IGF2BP1: variants seen among roughly 807,000 people sequenced by gnomAD.
IGF2BP1 encodes the protein insulin-like growth factor 2 mRNA-binding protein 1.
Under a neutral mutation model 74.9 loss-of-function variants are expected in IGF2BP1, and 11 were observed. The observed-to-expected ratio is 0.15, with a 90% CI of 0.09 to 0.24. IGF2BP1 has a LOEUF of 0.24. Among genes scored for constraint, IGF2BP1 ranks in the 10% least tolerant of loss-of-function variants. The pLI is 1.00. For synonymous variants in IGF2BP1, 287 were observed against 281.8 expected (o/e 1.02, Z -0.18); for missense variants, 440 against 757.4 (o/e 0.58, Z 4.92).
intron 2 of IGF2BP1, among the ~76,000 whole-genome samples, chr17:49,023,681 A>AGG (rs1462645342): frequency 6.6e-6 from 1 of 152,218 alleles, no homozygotes; most frequent in African/African-American, 2.4e-5. Context: ...GGGCAGGTTA[A>AGG]GGGCTAGACT....
intron 12 of IGF2BP1, among the ~76,000 whole-genome samples, 155 bp downstream of exon 12, chr17:49,045,220 A>G (rs570685126): frequency 2.0e-5 from 3 of 152,164 alleles, no homozygotes; most frequent in South Asian, 2.1e-4. Context: ...CTGCAGAGCT[A>G]TTTTCAAATT....
chr17:49,033,334 C>T (rs186588591), intron 5 of IGF2BP1, among the ~76,000 whole-genome samples: 127 of 149,690 alleles, frequency 8.5e-4, no homozygotes, highest in Middle Eastern at 3.5e-3. Flanking sequence ...TTTTTTTAAT[C>T]TTTTAATTTT....
At chr17:49,028,166 A>T (rs1475542512) in intron 4 of IGF2BP1, among the ~76,000 whole-genome samples, 1 of 152,220 alleles carries the variant, frequency 6.6e-6, no homozygotes, top group East Asian at 1.9e-4. Flanking sequence ...ATTGTCTCAA[A>T]AACAAAACAA....
upstream of IGF2BP1, among the ~76,000 whole-genome samples, chr17:48,996,675 A>G (rs1006674775): frequency 1.3e-5 from 2 of 152,018 alleles, no homozygotes; most frequent in African/African-American, 4.8e-5. Context: ...AAACGTTATC[A>G]TTTAACAGCC....
chr17:49,044,386 C>A (rs999763302), intron 11 of IGF2BP1, among the ~76,000 whole-genome samples: 2 of 152,126 alleles, frequency 1.3e-5, no homozygotes, highest in African/African-American at 4.8e-5. Flanking sequence ...CACCCCTTCC[C>A]CCAATACACT....
Position 49,046,380 on chromosome 17 carries a change from A to G in IGF2BP1, c.1641+7A>G, listed in dbSNP as rs373794855. ...ACATTTCTATGCCAGTCAGGTACAT[A>G]TGGTGCTCCCCCATTGAGGGAGGGC... On this transcript the variant is annotated splice_region_variant and intron_variant, in intron 14 of 14. Coordinates refer to ENST00000290341, the MANE Select transcript of IGF2BP1 (RefSeq NM_006546.4). 14 of 1,603,446 alleles carry G rather than the reference A, an allele frequency of 8.7e-6. No homozygotes were observed. Among genetic ancestry groups the G allele is most frequent in the African/African-American group, 1.3e-5 (1 of 74,676 alleles).
rs972095889 is a variant in IGF2BP1, at chr17:49,052,142, C to T, written c.*2698C>T. 1 of 152,114 alleles carries T rather than the reference C, an allele frequency of 6.6e-6. No individual in the cohort carries two copies. The highest frequency in any genetic ancestry group is 1.5e-5 in the Non-Finnish European group (1 of 68,048). 9.4% of individuals were successfully genotyped at this position (152,114 alleles called of 1,614,324 possible). On this transcript the variant is annotated 3_prime_UTR_variant, in exon 15 of 15. Transcript: ENST00000290341. ...TTGTCTGGCCCAAATTGAATAGAAG[C>T]AGAAAAACATTTAGGGATAACATCA...
chr17:49,043,910 G>A lies in IGF2BP1; in HGVS notation c.1201-57G>A. Reference sequence around the variant, plus strand: ...TGAGGATGCAAGGCAGGGGAGTGGAGGGTTTCTGGGCCATGCTACTTGGGC... The same window carrying A: ...TGAGGATGCAAGGCAGGGGAGTGGAAGGTTTCTGGGCCATGCTACTTGGGC... On this transcript the variant is annotated intron_variant, in intron 10 of 14. Transcript: ENST00000290341. The A allele has an allele frequency of 2.5e-6, 4 of 1,594,710 alleles. No individual in the cohort carries two copies. The South Asian group carries it at 3.4e-5, about 14-fold the overall frequency.
At chr17:49,019,323 A>T (rs1045114496) in intron 2 of IGF2BP1, among the ~76,000 whole-genome samples, 1 of 151,646 alleles carries the variant, frequency 6.6e-6, no homozygotes, top group Non-Finnish European at 1.5e-5. Flanking sequence ...TCTCCTTCCA[A>T]CCCCCCGTAA....
At chr17:49,008,399 T>G (rs1407474909) in intron 2 of IGF2BP1, among the ~76,000 whole-genome samples, 1 of 152,200 alleles carries the variant, frequency 6.6e-6, no homozygotes, top group African/African-American at 2.4e-5. Flanking sequence ...TAGGGTTTTC[T>G]TCCTCTCTAT....
chr17:49,046,480 C>G (rs932809279), intron 14 of IGF2BP1, 107 bp downstream of exon 14: 197 of 776,870 alleles, frequency 2.5e-4, no homozygotes, highest in Non-Finnish European at 4.1e-4. Flanking sequence ...GTCCTGGGGC[C>G]TCAGCCACAT....
At chr17:49,029,794 AT>A (rs34684271) in intron 4 of IGF2BP1, among the ~76,000 whole-genome samples, 4,563 of 134,186 alleles carry the variant, frequency 0.034, 68 homozygotes, top group African/African-American at 0.063. Flanking sequence ...CACCCGGCTG[AT>A]TTTTTTTTTT....
rs574572790 is a variant in IGF2BP1 at position 49,050,698 on chromosome 17, G to T, written c.*1254G>T. The T allele has an allele frequency of 6.6e-6, 1 of 152,352 alleles. No individual in the cohort carries two copies. Among genetic ancestry groups the T allele is most frequent in the African/African-American group, 2.4e-5 (1 of 41,566 alleles). The allele number at this position is 152,352 out of a possible 1,614,324, so 9.4% of individuals were successfully genotyped here. A position where few individuals can be genotyped will look rare whatever the true frequency, so the allele number is the denominator to read the frequency against. On this transcript the variant is annotated 3_prime_UTR_variant, in exon 15 of 15. Transcript: ENST00000290341. ...TGTCTCCATGAATCATTATCAGCAT[G>T]ATGAAAGGTGTGTCTAAAAAACAAT...
At chr17:49,024,083 ATTT>A (rs765273098) in intron 2 of IGF2BP1, among the ~76,000 whole-genome samples, 4 of 78,102 alleles carry the variant, frequency 5.1e-5, no homozygotes, top group African/African-American at 2.0e-4. Context: ...CACCCTGCTA[ATTT>A]TTTTTTTTTT....
chr17:49,005,326 A>G (rs547797942), intron 2 of IGF2BP1, among the ~76,000 whole-genome samples: 1 of 152,362 alleles, frequency 6.6e-6, no homozygotes, highest in South Asian at 2.1e-4. Context: ...TCAGAAATGC[A>G]GTCCTTTTGC....
intron 12 of IGF2BP1, 45 bp from the exon 13 acceptor site, chr17:49,045,845 C>T (rs1344680761): frequency 1.4e-5 from 22 of 1,585,652 alleles, no homozygotes; most frequent in Admixed American, 7.2e-5. Flanking sequence ...TCTCTTTTGT[C>T]ACAGATATAT....
chr17:49,034,736 C>CAAAAA (rs1254736118), intron 5 of IGF2BP1, among the ~76,000 whole-genome samples: 1 of 108,748 alleles, frequency 9.2e-6, no homozygotes, highest in African/African-American at 4.2e-5. Context: ...GACCCTGTCT[C>CAAAAA]AAAAAAAACA....
intron 4 of IGF2BP1, among the ~76,000 whole-genome samples, chr17:49,031,401 C>T (rs1040959960): frequency 5.9e-5 from 9 of 152,014 alleles, no homozygotes; most frequent in Non-Finnish European, 8.8e-5. Context: ...CCATGCTCTG[C>T]CTGGTAAATT....
chr17:49,030,719 C>T (rs548130468), intron 4 of IGF2BP1, among the ~76,000 whole-genome samples: 9 of 151,580 alleles, frequency 5.9e-5, no homozygotes, highest in Middle Eastern at 3.4e-3. Flanking sequence ...CTCCACGTCC[C>T]GGGTTCAAGC....
Sources: allele counts gnomAD v4.1 joint callset (sites outside exome capture counted in the v4.1 genomes callset), GRCh38; gene constraint gnomAD v4.1.1; transcripts MANE v1.5; gene names NCBI Gene and HGNC (gene_info 2026-07-23, HGNC 2026-07-21).